IMMP2L: variants seen among roughly 807,000 people sequenced by gnomAD.
The protein encoded by IMMP2L is mitochondrial inner membrane protease subunit 2.
In IMMP2L, 18 loss-of-function variants were observed where a neutral mutation model predicts 19.3. That is an observed-to-expected ratio of 0.93 (90% CI 0.64 to 1.38). The LOEUF is 1.38. Ranked by LOEUF, IMMP2L falls within the 40% of genes most tolerant of loss-of-function variation. IMMP2L has a pLI of 0.00. For synonymous variants in IMMP2L, 76 were observed against 73.0 expected (o/e 1.04, Z -0.21); for missense variants, 233 against 218.2 (o/e 1.07, Z -0.43).
intron 3 of IMMP2L, among the ~76,000 whole-genome samples, chr7:111,287,816 CAGG>C (rs774756505): frequency 2.1e-4 from 32 of 152,122 alleles, no homozygotes; most frequent in Non-Finnish European, 2.6e-4. Flanking sequence ...GTTTCACAGA[CAGG>C]AGAACTTCCA....
At chr7:110,971,090 C>A (rs1488885413) in intron 3 of IMMP2L, among the ~76,000 whole-genome samples, 1 of 152,036 alleles carries the variant, frequency 6.6e-6, no homozygotes, top group East Asian at 1.9e-4. Context: ...TACTAGTATA[C>A]AAGAACTGAG....
chr7:110,772,635 G>A (rs759827873), intron 5 of IMMP2L, among the ~76,000 whole-genome samples: 15 of 152,130 alleles, frequency 9.9e-5, no homozygotes, highest in Non-Finnish European at 2.1e-4. Flanking sequence ...CATGGAGGAG[G>A]CTCTTGTTCA....
intron 3 of IMMP2L, among the ~76,000 whole-genome samples, chr7:111,410,457 A>G (rs1834302130): frequency 6.6e-6 from 1 of 151,782 alleles, no homozygotes; most frequent in Non-Finnish European, 1.5e-5. Context: ...AATGTAAATT[A>G]GTATGTACAT....
rs752149261 is a variant in IMMP2L at position 110,963,526 on chromosome 7, C to T, written c.279G>A (p.Val93=). Residue 93 remains valine, a synonymous_variant, in exon 4 of 6, where the codon GTG becomes GTA. Coordinates refer to ENST00000405709, the MANE Select transcript of IMMP2L (RefSeq NM_032549.4). ...TGACAATATCTCCTTCAAGAGCAATCACTCTCTTAATGATCTTCTGTTCTG... is the reference window on the plus strand; with the variant it reads ...TGACAATATCTCCTTCAAGAGCAATTACTCTCTTAATGATCTTCTGTTCTG... ...KNPEQKIIKR[V]IALEGDIVRT... The T allele has an allele frequency of 6.2e-7, 1 of 1,603,956 alleles. No individual in the cohort carries two copies. Among genetic ancestry groups the T allele is most frequent in the Non-Finnish European group, 8.5e-7 (1 of 1,173,018 alleles).
chr7:111,286,516 T>C (rs905325477), intron 3 of IMMP2L, among the ~76,000 whole-genome samples: 4 of 152,084 alleles, frequency 2.6e-5, no homozygotes, highest in Non-Finnish European at 5.9e-5. Context: ...AAAGGTCTAC[T>C]CCCTAGCAGA....
At chr7:111,179,876 A>G (rs60866035) in intron 3 of IMMP2L, among the ~76,000 whole-genome samples, 13,254 of 152,134 alleles carry the variant, frequency 0.087, 776 homozygotes, top group African/African-American at 0.15. Context: ...TTATGTTACG[A>G]AAACAGCTTA....
chr7:111,079,235 A>G (rs1201046836), intron 3 of IMMP2L, among the ~76,000 whole-genome samples: 3 of 147,514 alleles, frequency 2.0e-5, no homozygotes, highest in East Asian at 2.0e-4. Context: ...CTCCTGCCTC[A>G]GCCTCCCAAG....
At position 111,191,207 on chromosome 7, in the gene IMMP2L, TTC is replaced by T. The variant is rs535287795; in HGVS notation, c.240-227644_240-227643del. On this transcript the variant is annotated intron_variant, in intron 3 of 5. Coordinates refer to ENST00000405709, the MANE Select transcript of IMMP2L (RefSeq NM_032549.4). ...ATATTATTTTGTATTTTGAATGATA[TTC>T]TTTTTTAAAAAAATATTCTTTGAAC... Among the ~76,000 whole-genome samples, 315 of 152,226 alleles carry T rather than the reference TTC, an allele frequency of 2.1e-3. 1 individual carries two copies. Among genetic ancestry groups the T allele is most frequent in the Non-Finnish European group, 3.6e-3 (242 of 68,024 alleles).
chr7:111,223,116 T>C (rs966238179), intron 3 of IMMP2L, among the ~76,000 whole-genome samples: 1 of 152,076 alleles, frequency 6.6e-6, no homozygotes, highest in African/African-American at 2.4e-5. Flanking sequence ...AAAAACACTA[T>C]ATATATTTAT....
intron 3 of IMMP2L, among the ~76,000 whole-genome samples, chr7:111,452,614 A>C (rs1839307709): frequency 6.6e-6 from 1 of 152,184 alleles, no homozygotes; most frequent in Non-Finnish European, 1.5e-5. Context: ...ATTTTATTAC[A>C]ATCTTGAAAA....
chr7:110,737,826 C>T (rs1319347943), intron 5 of IMMP2L, among the ~76,000 whole-genome samples: 2 of 152,168 alleles, frequency 1.3e-5, no homozygotes, highest in East Asian at 1.9e-4. Flanking sequence ...GCTAACTCCC[C>T]GAGAGCAGGT....
intron 3 of IMMP2L, among the ~76,000 whole-genome samples, chr7:111,406,500 A>G (rs1422533244): frequency 6.6e-6 from 1 of 152,062 alleles, no homozygotes; most frequent in Non-Finnish European, 1.5e-5. Flanking sequence ...TTCAAAAGCC[A>G]TGCAAGGTGT....
intron 3 of IMMP2L, among the ~76,000 whole-genome samples, chr7:111,079,759 A>G (rs1795734679): frequency 6.6e-6 from 1 of 152,158 alleles, no homozygotes; most frequent in Admixed American, 6.5e-5. Context: ...CCCAAACTTC[A>G]TGTGTTGAAA....
chr7:110,947,802 ATTT>A (rs1237560083), intron 4 of IMMP2L, among the ~76,000 whole-genome samples: 1 of 152,152 alleles, frequency 6.6e-6, no homozygotes, highest in East Asian at 1.9e-4. Context: ...GGATGCAGCA[ATTT>A]TCACTGTCTG....
chr7:110,704,207 T>G (rs1349712902), intron 5 of IMMP2L, among the ~76,000 whole-genome samples: 1 of 152,216 alleles, frequency 6.6e-6, no homozygotes, highest in Non-Finnish European at 1.5e-5. Flanking sequence ...ATTGTCAACA[T>G]AACTATATTT....
intron 5 of IMMP2L, among the ~76,000 whole-genome samples, chr7:110,777,435 C>T (rs1799462940): frequency 6.6e-6 from 1 of 151,914 alleles, no homozygotes; most frequent in Non-Finnish European, 1.5e-5. Flanking sequence ...ATGCATATTT[C>T]CTACAGTAAT....
At position 111,253,424 on chromosome 7, in the gene IMMP2L, T is replaced by C. The variant is rs148964909; in HGVS notation, c.239+233814A>G. Reference sequence around the variant, plus strand: ...TTAGGGAGGGCTGTCAGGGAAGAGGTAGAGGATCTGTAAACCAGACAAACC... The same window carrying C: ...TTAGGGAGGGCTGTCAGGGAAGAGGCAGAGGATCTGTAAACCAGACAAACC... On this transcript the variant is annotated intron_variant, in intron 3 of 5. Coordinates refer to ENST00000405709, the MANE Select transcript of IMMP2L (RefSeq NM_032549.4). Among the ~76,000 whole-genome samples the C allele has an allele frequency of 3.1e-4, 47 of 151,978 alleles. 2 individuals carry two copies. The East Asian group carries it at 7.0e-3, about 23-fold the overall frequency.
chr7:110,682,437 G>C (rs1395294445), intron 5 of IMMP2L, among the ~76,000 whole-genome samples: 4 of 152,124 alleles, frequency 2.6e-5, no homozygotes, highest in African/African-American at 9.7e-5. Flanking sequence ...CCAAATACAT[G>C]ATATAAAATG....
At chr7:111,120,403 A>G (rs1800448955) in intron 3 of IMMP2L, among the ~76,000 whole-genome samples, 1 of 152,116 alleles carries the variant, frequency 6.6e-6, no homozygotes, top group South Asian at 2.1e-4. Context: ...CTATAAAAAC[A>G]TCAGATCTCC....
Sources: allele counts gnomAD v4.1 joint callset (sites outside exome capture counted in the v4.1 genomes callset), GRCh38; gene constraint gnomAD v4.1.1; transcripts MANE v1.5; gene names NCBI Gene and HGNC (gene_info 2026-07-23, HGNC 2026-07-21).